Variants in CSMD3 observed in about 807,000 individuals in gnomAD.
The protein encoded by CSMD3 is CUB and Sushi multiple domains 3, also known as CUB and sushi domain-containing protein 3.
A neutral mutation model predicts 435.2 loss-of-function variants in CSMD3; 177 were observed. The observed-to-expected ratio is 0.41, with a 90% CI of 0.36 to 0.46. CSMD3 has a LOEUF of 0.46. Ranked by LOEUF, CSMD3 falls within the 20% of genes least tolerant of loss-of-function variation. The pLI, the probability that CSMD3 is intolerant of heterozygous loss-of-function variation, is 0.34. For synonymous variants in CSMD3, 1,656 were observed against 1,520.5 expected (o/e 1.09, Z -2.07); for missense variants, 4,265 against 4,504.6 (o/e 0.95, Z 1.52).
chr8:112,404,921 T>C (rs977432161), intron 35 of CSMD3, among the ~76,000 whole-genome samples: 11 of 151,552 alleles, frequency 7.3e-5, no homozygotes, highest in Non-Finnish European at 2.9e-5. Context: ...ATCACACCTG[T>C]AATCCCAGCA....
At chr8:112,927,957 G>A (rs1289555477) in intron 9 of CSMD3, among the ~76,000 whole-genome samples, 2 of 151,936 alleles carry the variant, frequency 1.3e-5, no homozygotes, top group Non-Finnish European at 2.9e-5. Context: ...GCCAACTACT[G>A]CCCTATTTAA....
At chr8:112,473,603 C>T (rs1253065469) in intron 31 of CSMD3, among the ~76,000 whole-genome samples, 1 of 151,672 alleles carries the variant, frequency 6.6e-6, no homozygotes, top group Non-Finnish European at 1.5e-5. Flanking sequence ...AACAAGTGTT[C>T]AAAGAGGTAA....
At chr8:112,334,848 C>G (rs1824412819) in intron 45 of CSMD3, among the ~76,000 whole-genome samples, 1 of 152,098 alleles carries the variant, frequency 6.6e-6, no homozygotes, top group Non-Finnish European at 1.5e-5. Flanking sequence ...GGAATAGTCA[C>G]TTAAAACTGT....
chr8:112,598,416 T>A (rs987255458), intron 22 of CSMD3, among the ~76,000 whole-genome samples: 1 of 149,590 alleles, frequency 6.7e-6, no homozygotes, highest in African/African-American at 2.5e-5. Context: ...ATAGGAAGAA[T>A]CAATATTGTG....
intron 35 of CSMD3, among the ~76,000 whole-genome samples, chr8:112,405,069 C>T (rs1831658713): frequency 6.7e-6 from 1 of 148,828 alleles, no homozygotes; most frequent in Non-Finnish European, 1.5e-5. Context: ...CGCCTGTAAT[C>T]CCAGCTACTC....
chr8:113,418,159 T>C (rs1375011273), intron 1 of CSMD3, among the ~76,000 whole-genome samples: 1 of 152,140 alleles, frequency 6.6e-6, no homozygotes, highest in African/African-American at 2.4e-5. Flanking sequence ...GGAGATCGAA[T>C]ATGCATAAAT....
Position 112,837,841 on chromosome 8 carries a change from C to T in CSMD3, c.1756-8052G>A, listed in dbSNP as rs79767988. 4.8e-4 allele frequency among the ~76,000 whole-genome samples: 72 copies of T among 151,578 alleles called. 2 individuals are homozygous for T. In the East Asian group the frequency reaches 0.013, roughly 28 times the overall value. ...AATATTAACAATTATTTTTGCTCCCCGGTGTGGAAATCAGAATGCATTATA... is the reference window on the plus strand; with the variant it reads ...AATATTAACAATTATTTTTGCTCCCTGGTGTGGAAATCAGAATGCATTATA... On this transcript the variant is annotated intron_variant, in intron 11 of 70. Transcript: ENST00000297405.
At chr8:113,122,987 C>T (rs538217857) in intron 4 of CSMD3, among the ~76,000 whole-genome samples, 1 of 151,194 alleles carries the variant, frequency 6.6e-6, no homozygotes, top group African/African-American at 2.4e-5. Flanking sequence ...CATTGGCCCA[C>T]CCATGGGCTT....
intron 1 of CSMD3, among the ~76,000 whole-genome samples, chr8:113,418,280 A>C (rs2094591758): frequency 6.6e-6 from 1 of 152,182 alleles, no homozygotes; most frequent in African/African-American, 2.4e-5. Flanking sequence ...CATTTAGATT[A>C]TCTAGAGAGG....
At chr8:112,793,191 T>A (rs1024899274) in intron 13 of CSMD3, among the ~76,000 whole-genome samples, 1 of 147,196 alleles carries the variant, frequency 6.8e-6, no homozygotes, top group African/African-American at 2.5e-5. Flanking sequence ...TTATATACTA[T>A]ATAAATATTA....
rs1321625997 is a variant in CSMD3, at chr8:112,916,317, T to C, written c.1633+5310A>G. Among the ~76,000 whole-genome samples, 8 of 152,002 alleles carry C rather than the reference T, an allele frequency of 5.3e-5. No homozygotes were observed. The South Asian group carries it at 1.7e-3, about 31-fold the overall frequency. On this transcript the variant is annotated intron_variant, in intron 10 of 70. Coordinates refer to ENST00000297405, the MANE Select transcript of CSMD3 (RefSeq NM_198123.2). ...TTTTGAATTTAAGTGATCTATCTTC[T>C]ACTAAGTTGTCTATAAATGCATCAC...
chr8:113,403,701 A>G (rs1462515091), intron 1 of CSMD3, among the ~76,000 whole-genome samples: 3 of 151,458 alleles, frequency 2.0e-5, no homozygotes, highest in South Asian at 2.1e-4. Context: ...GCAAATGTAA[A>G]AGTAAATACT....
chr8:113,130,402 A>T (rs894175823), intron 4 of CSMD3, among the ~76,000 whole-genome samples: 8 of 152,034 alleles, frequency 5.3e-5, no homozygotes, highest in African/African-American at 1.9e-4. Flanking sequence ...TCATCACCAG[A>T]TCTGATGATT....
intron 21 of CSMD3, among the ~76,000 whole-genome samples, chr8:112,638,283 A>G (rs2131586794): frequency 6.7e-6 from 1 of 149,922 alleles, no homozygotes; most frequent in Non-Finnish European, 1.5e-5. Flanking sequence ...GTGTTTTCCT[A>G]GACACATAAA....
intron 20 of CSMD3, chr8:112,643,565 C>T (rs565265571): frequency 8.3e-4 from 140 of 169,442 alleles, no homozygotes; most frequent in Middle Eastern, 2.5e-3. Context: ...GTTAATTAAA[C>T]CTCTATTTAC....
At chr8:112,358,798 T>C (rs1826889454) in intron 38 of CSMD3, among the ~76,000 whole-genome samples, 1 of 152,142 alleles carries the variant, frequency 6.6e-6, no homozygotes, top group Non-Finnish European at 1.5e-5. Flanking sequence ...ACCAGACTAA[T>C]ACAATTGCTA....
intron 35 of CSMD3, among the ~76,000 whole-genome samples, chr8:112,404,051 A>G (rs139959956): frequency 1.2e-3 from 180 of 152,198 alleles, no homozygotes; most frequent in African/African-American, 4.1e-3. Flanking sequence ...TATGCTAGGT[A>G]TATTTTTGGG....
At chr8:112,957,920 A>G (rs1057382222) in intron 7 of CSMD3, among the ~76,000 whole-genome samples, 1 of 149,388 alleles carries the variant, frequency 6.7e-6, no homozygotes, top group Non-Finnish European at 1.5e-5. Flanking sequence ...TATTTTTTGT[A>G]TTTTAGTAGA....
At chr8:112,862,522 G>C (rs960501593) in intron 10 of CSMD3, among the ~76,000 whole-genome samples, 1 of 152,102 alleles carries the variant, frequency 6.6e-6, no homozygotes, top group East Asian at 1.9e-4. Flanking sequence ...AAGAAGACAT[G>C]TAGAACAGAC....
Sources: gnomAD v4.1 joint callset for allele counts (sites outside exome capture counted in the v4.1 genomes callset) on GRCh38, gnomAD v4.1.1 for gene constraint, MANE v1.5 for transcripts, NCBI Gene and HGNC (gene_info 2026-07-23, HGNC 2026-07-21) for gene names.